Variants in ANKRD11 observed in about 807,000 individuals in gnomAD.
ANKRD11 encodes the protein ankyrin repeat domain-containing protein 11.
Under a neutral mutation model 195.7 loss-of-function variants are expected in ANKRD11, and 17 were observed. The ratio of observed to expected loss-of-function variants is 0.09; its 90% CI spans 0.06 to 0.13. ANKRD11 has a LOEUF of 0.13. ANKRD11 is among the 10% of genes least tolerant of loss of function. The pLI is 1.00. For synonymous variants in ANKRD11, 1,953 were observed against 1,528.1 expected (o/e 1.28, Z -6.49); for missense variants, 3,735 against 3,566.1 (o/e 1.05, Z -1.21).
intron 2 of ANKRD11, among the ~76,000 whole-genome samples, chr16:89,367,152 G>A (rs1292948589): frequency 6.6e-6 from 1 of 152,158 alleles, no homozygotes; most frequent in Non-Finnish European, 1.5e-5. Context: ...CATCGGTGAG[G>A]AAGAGCAGGC....
chr16:89,286,242 C>A, intron 7 of ANKRD11, 56 bp from the exon 8 acceptor site: 1 of 1,601,892 alleles, frequency 6.2e-7, no homozygotes. Flanking sequence ...ACTCCTCTAC[C>A]GTTCCGCATA....
chr16:89,292,984 G>A (rs1181245518), intron 4 of ANKRD11, among the ~76,000 whole-genome samples: 7 of 152,166 alleles, frequency 4.6e-5, no homozygotes, highest in Admixed American at 2.6e-4. Context: ...GGAAAGAGGC[G>A]ACGAAGCTGC....
At chr16:89,370,996 C>A (rs2040167997) in intron 2 of ANKRD11, among the ~76,000 whole-genome samples, 1 of 152,140 alleles carries the variant, frequency 6.6e-6, no homozygotes, top group African/African-American at 2.4e-5. Flanking sequence ...CTTGCTTGAG[C>A]TCTCCTAGTT....
intron 3 of ANKRD11, among the ~76,000 whole-genome samples, chr16:89,316,318 C>T (rs576112773): frequency 4.4e-4 from 67 of 152,252 alleles, no homozygotes; most frequent in Non-Finnish European, 6.8e-4. Context: ...GGGCACACCC[C>T]AGAACTCGGC....
At chr16:89,400,894 C>G (rs765529107) in intron 2 of ANKRD11, among the ~76,000 whole-genome samples, 1 of 152,116 alleles carries the variant, frequency 6.6e-6, no homozygotes, top group East Asian at 1.9e-4. Flanking sequence ...ACGCCTGTCG[C>G]CCTCCACCCT....
intron 2 of ANKRD11, among the ~76,000 whole-genome samples, chr16:89,337,548 T>C (rs1460727651): frequency 7.0e-6 from 1 of 142,074 alleles, no homozygotes; most frequent in Non-Finnish European, 1.5e-5. Flanking sequence ...GCCATTCTCC[T>C]GCCTCAACCT....
intron 1 of ANKRD11, among the ~76,000 whole-genome samples, chr16:89,484,012 G>C (rs965185357): frequency 6.6e-6 from 1 of 152,084 alleles, no homozygotes; most frequent in African/African-American, 2.4e-5. Context: ...CTTGAAATCC[G>C]AATCAACTGT....
intron 4 of ANKRD11, 187 bp downstream of exon 4, chr16:89,305,019 C>G: frequency 2.3e-6 from 2 of 863,002 alleles, no homozygotes; most frequent in Non-Finnish European, 3.5e-6. Flanking sequence ...GCCTGAGCCT[C>G]GGGTGCAAAG....
chr16:89,310,508 C>A (rs1343380923), intron 3 of ANKRD11, among the ~76,000 whole-genome samples: 1 of 152,210 alleles, frequency 6.6e-6, no homozygotes, highest in African/African-American at 2.4e-5. Flanking sequence ...TGGCATTACA[C>A]TGAATCTGTA....
rs1474215514 is a variant in ANKRD11 at position 89,367,921 on chromosome 16, T to C, written c.-60+50363A>G. Among the ~76,000 whole-genome samples the C allele has an allele frequency of 2.6e-5, 4 of 152,098 alleles. No individual in the cohort carries two copies. In the East Asian group the frequency reaches 7.7e-4, roughly 29 times the overall value. ...CCAGAGGCTGAGGTGGGAGGATCACTTGAGCCCAGGAGGTCAAGTCTGCAG... is the reference window on the plus strand; with the variant it reads ...CCAGAGGCTGAGGTGGGAGGATCACCTGAGCCCAGGAGGTCAAGTCTGCAG... On this transcript the variant is annotated intron_variant, in intron 2 of 12. Coordinates refer to ENST00000301030, the MANE Select transcript of ANKRD11 (RefSeq NM_013275.6).
intron 2 of ANKRD11, among the ~76,000 whole-genome samples, chr16:89,330,782 G>A (rs1390716118): frequency 6.6e-6 from 1 of 150,756 alleles, no homozygotes; most frequent in Non-Finnish European, 1.5e-5. Flanking sequence ...CCCACACTCT[G>A]CAGAGAACGG....
At chr16:89,339,954 G>C (rs1041852772) in intron 2 of ANKRD11, 1 of 152,190 alleles carries the variant, frequency 6.6e-6, no homozygotes, top group Non-Finnish European at 1.5e-5. Context: ...TTCCCTTCAA[G>C]TTGTGCTCTG....
chr16:89,487,015 A>G (rs1283060720), intron 1 of ANKRD11, among the ~76,000 whole-genome samples: 2 of 152,080 alleles, frequency 1.3e-5, no homozygotes, highest in African/African-American at 4.8e-5. Context: ...TCTCAAAAAA[A>G]AAAAAAAGAA....
chr16:89,301,213 C>T, intron 4 of ANKRD11: 1 of 410,974 alleles, frequency 2.4e-6, no homozygotes, highest in Non-Finnish European at 4.3e-6. Context: ...CTCAAGGGAT[C>T]CTCCCGCCAA....
intron 1 of ANKRD11, among the ~76,000 whole-genome samples, chr16:89,445,417 A>G (rs1437037112): frequency 6.6e-6 from 1 of 152,042 alleles, no homozygotes; most frequent in Non-Finnish European, 1.5e-5. Context: ...GCTACCCCTG[A>G]AGCAACATCA....
intron 1 of ANKRD11, among the ~76,000 whole-genome samples, chr16:89,441,108 C>T (rs753143205): frequency 6.6e-6 from 1 of 151,556 alleles, no homozygotes; most frequent in Non-Finnish European, 1.5e-5. Context: ...TGGTGGTGGG[C>T]GCCTGTAGTC....
intron 2 of ANKRD11, among the ~76,000 whole-genome samples, chr16:89,331,150 C>T (rs915953416): frequency 2.6e-5 from 4 of 152,144 alleles, no homozygotes; most frequent in South Asian, 2.1e-4. Flanking sequence ...GATGGGGTTT[C>T]GCCATGTTGG....
At chr16:89,483,839 T>C (rs1054058495) in intron 1 of ANKRD11, among the ~76,000 whole-genome samples, 2 of 148,312 alleles carry the variant, frequency 1.3e-5, no homozygotes, top group Non-Finnish European at 3.0e-5. Context: ...AGAAAGAAAA[T>C]GTTTTGAGTG....
chr16:89,444,467 G>A (rs1317868935), intron 1 of ANKRD11, among the ~76,000 whole-genome samples: 1 of 151,934 alleles, frequency 6.6e-6, no homozygotes, highest in African/African-American at 2.4e-5. Context: ...TCGGGGGGGT[G>A]GAGTGGAGGG....
Sources: gnomAD v4.1 joint callset for allele counts (sites outside exome capture counted in the v4.1 genomes callset) on GRCh38, gnomAD v4.1.1 for gene constraint, MANE v1.5 for transcripts, NCBI Gene and HGNC (gene_info 2026-07-23, HGNC 2026-07-21) for gene names.